Variants in CLVS1 observed in about 807,000 individuals in gnomAD.
CLVS1 encodes the protein clavesin-1.
A neutral mutation model predicts 33.1 loss-of-function variants in CLVS1; 10 were observed. The ratio of observed to expected loss-of-function variants is 0.30; its 90% CI spans 0.19 to 0.51. The LOEUF (loss-of-function observed/expected upper bound fraction) is 0.51. CLVS1 is among the 20% of genes least tolerant of loss of function. The pLI is 0.97. For synonymous variants in CLVS1, 163 were observed against 166.1 expected (o/e 0.98, Z 0.14); for missense variants, 343 against 433.4 (o/e 0.79, Z 1.85).
rs551237164 is a variant in CLVS1 at position 61,338,323 on chromosome 8, G to C, written c.455+38041G>C. ...CATTTGCCACGCATTTACCATTTCAGATATTGTAATAGGCACTTTTAAATT... is the reference window on the plus strand; with the variant it reads ...CATTTGCCACGCATTTACCATTTCACATATTGTAATAGGCACTTTTAAATT... On this transcript the variant is annotated intron_variant, in intron 2 of 5. Transcript: ENST00000325897. Among the ~76,000 whole-genome samples the C allele has an allele frequency of 3.3e-5, 5 of 152,306 alleles. No homozygotes were observed. In the South Asian group the frequency reaches 1.0e-3, roughly 32 times the overall value.
At chr8:61,339,530 C>T (rs1010604607) in intron 2 of CLVS1, among the ~76,000 whole-genome samples, 2 of 152,150 alleles carry the variant, frequency 1.3e-5, no homozygotes, top group Non-Finnish European at 2.9e-5. Flanking sequence ...ACCCATGTCC[C>T]TTATGGGGCA....
chr8:60,992,039 C>T, the CLVS1 span, among the ~76,000 whole-genome samples: 6 of 152,182 alleles, frequency 3.9e-5, no homozygotes, highest in African/African-American at 1.2e-4. Context: ...TGAGCCACCA[C>T]ACCTGGCCTC....
At chr8:61,493,770 A>G (rs117982901) in intron 5 of CLVS1, among the ~76,000 whole-genome samples, 1 of 152,200 alleles carries the variant, frequency 6.6e-6, no homozygotes, top group Non-Finnish European at 1.5e-5. Context: ...TTTGTTGTTG[A>G]CTTTAAGAAA....
chr8:61,481,217 T>A (rs1273468931), intron 5 of CLVS1, among the ~76,000 whole-genome samples: 4 of 152,078 alleles, frequency 2.6e-5, no homozygotes, highest in Non-Finnish European at 1.5e-5. Flanking sequence ...CTCTGCAATT[T>A]GGTGTATAAA....
chr8:61,028,115 A>G, the CLVS1 span, among the ~76,000 whole-genome samples: 1 of 152,256 alleles, frequency 6.6e-6, no homozygotes, highest in Non-Finnish European at 1.5e-5. Context: ...TGCAAACACA[A>G]GGTGACATCT....
chr8:61,435,439 C>A (rs994918671), intron 3 of CLVS1, among the ~76,000 whole-genome samples: 1 of 152,030 alleles, frequency 6.6e-6, no homozygotes, highest in Non-Finnish European at 1.5e-5. Flanking sequence ...AGTATGATTT[C>A]TTGAATATTT....
chr8:61,068,227 G>GTATATATATATATA lies in CLVS1; in HGVS notation c.-243+10998_-243+10999insATATATATATATAT, dbSNP rs761732435. Among the ~76,000 whole-genome samples the GTATATATATATATA allele has an allele frequency of 1.2e-3, 103 of 88,268 alleles. 2 individuals are homozygous for GTATATATATATATA. The highest frequency in any genetic ancestry group is 4.0e-3 in the African/African-American group (100 of 25,088). The allele number at this position is 88,268 out of a possible 152,430, so 57.9% of individuals were successfully genotyped here. A position where few individuals can be genotyped will look rare whatever the true frequency, so the allele number is the denominator to read the frequency against. On this transcript the variant is annotated intron_variant, in intron 1 of 2. Transcript: ENST00000522621. The stretch of plus-strand genomic sequence containing the variant: ...TATATATATATATATATGTATGTAT[G>GTATATATATATATA]TGTATATATATATATATATATGTAT...
chr8:61,186,361 A>T (rs1807344045), intron 2 of CLVS1, among the ~76,000 whole-genome samples: 1 of 152,222 alleles, frequency 6.6e-6, no homozygotes, highest in South Asian at 2.1e-4. Flanking sequence ...ATGCAGTTGC[A>T]GCCCCCCTCA....
intron 2 of CLVS1, among the ~76,000 whole-genome samples, chr8:61,235,915 G>A (rs1266700646): frequency 1.3e-5 from 2 of 152,184 alleles, no homozygotes; most frequent in African/African-American, 4.8e-5. Context: ...GACAAGAGCA[G>A]TGTAACATCT....
At chr8:60,968,826 C>G in the CLVS1 span, among the ~76,000 whole-genome samples, 6 of 150,926 alleles carry the variant, frequency 4.0e-5, no homozygotes, top group Non-Finnish European at 7.4e-5. Flanking sequence ...CAGGTTAAGG[C>G]TGCAGTGAGC....
intron 2 of CLVS1, among the ~76,000 whole-genome samples, chr8:61,365,611 C>T (rs1047046515): frequency 6.6e-6 from 1 of 152,028 alleles, no homozygotes; most frequent in Admixed American, 6.6e-5. Context: ...TCACTCATGT[C>T]GGGGAGATTT....
chr8:61,277,107 TTCTC>T (rs1216613311), intron 2 of CLVS1, among the ~76,000 whole-genome samples: 1 of 152,234 alleles, frequency 6.6e-6, no homozygotes, highest in African/African-American at 2.4e-5. Context: ...CAGAGCCACA[TTCTC>T]TCTTTCTCTC....
intron 4 of CLVS1, among the ~76,000 whole-genome samples, chr8:61,455,468 CT>C: frequency 6.6e-6 from 1 of 151,962 alleles, no homozygotes; most frequent in Non-Finnish European, 1.5e-5. Flanking sequence ...ATTTGTTTTT[CT>C]GTGTCTGGCT....
chr8:61,399,474 T>C (rs974155086), intron 3 of CLVS1, among the ~76,000 whole-genome samples: 3 of 152,248 alleles, frequency 2.0e-5, no homozygotes, highest in Admixed American at 1.3e-4. Context: ...AAAAATTTTA[T>C]CCCATTCTGC....
intron 2 of CLVS1, among the ~76,000 whole-genome samples, chr8:61,183,994 T>A (rs936155251): frequency 1.3e-5 from 2 of 152,176 alleles, no homozygotes; most frequent in African/African-American, 4.8e-5. Flanking sequence ...GCCAGCTTCC[T>A]AGGCAACTTC....
chr8:61,009,726 C>T, the CLVS1 span, among the ~76,000 whole-genome samples: 1 of 152,144 alleles, frequency 6.6e-6, no homozygotes, highest in Non-Finnish European at 1.5e-5. Context: ...ATCCTATGAG[C>T]TATCAGTGAG....
intron 3 of CLVS1, among the ~76,000 whole-genome samples, chr8:61,410,096 G>A (rs575993941): frequency 0.022 from 1,554 of 71,846 alleles, 12 homozygotes; most frequent in South Asian, 0.034. Flanking sequence ...CTTTGTTTTT[G>A]CTAGGTAAAA....
At chr8:61,393,928 A>G (rs1013195679) in intron 3 of CLVS1, among the ~76,000 whole-genome samples, 2 of 152,226 alleles carry the variant, frequency 1.3e-5, no homozygotes, top group Non-Finnish European at 2.9e-5. Flanking sequence ...ACCTCTGGTT[A>G]GCCAGGATGT....
intron 2 of CLVS1, among the ~76,000 whole-genome samples, chr8:61,347,985 G>A (rs1585837030): frequency 1.3e-5 from 2 of 151,210 alleles, no homozygotes; most frequent in Admixed American, 6.6e-5. Context: ...ACACAAAATC[G>A]ACTCTCAGCG....
Sources: allele counts gnomAD v4.1 joint callset (sites outside exome capture counted in the v4.1 genomes callset), GRCh38; gene constraint gnomAD v4.1.1; transcripts MANE v1.5; gene names NCBI Gene and HGNC (gene_info 2026-07-23, HGNC 2026-07-21).